TMEM87A: variants seen among roughly 807,000 people sequenced by gnomAD.
TMEM87A encodes the protein transmembrane protein 87A.
In TMEM87A, 50 loss-of-function variants were observed where a neutral mutation model predicts 90.0. That is an observed-to-expected ratio of 0.56 (90% CI 0.44 to 0.70). The LOEUF is 0.70. Ranked by LOEUF, TMEM87A falls within the 30% of genes least tolerant of loss-of-function variation. The pLI, the probability that TMEM87A is intolerant of heterozygous loss-of-function variation, is 0.00. For missense variants in TMEM87A, 577 were observed against 660.5 expected, an observed-to-expected ratio of 0.87 and a Z score of 1.39; for synonymous variants, 226 against 226.7, an observed-to-expected ratio of 1.00 and a Z score of 0.03.
chr15:42,219,172 A>T (rs1042522860), intron 17 of TMEM87A, among the ~76,000 whole-genome samples: 3 of 152,104 alleles, frequency 2.0e-5, no homozygotes, highest in African/African-American at 7.2e-5. Flanking sequence ...AATGATAAAA[A>T]TTTTTTCATA....
At chr15:42,272,545 A>G (rs149695557) in intron 1 of TMEM87A, 68 of 199,580 alleles carry the variant, frequency 3.4e-4, no homozygotes, top group Middle Eastern at 4.6e-3. Flanking sequence ...GCTTTTCAGC[A>G]TTTCCTCCCT....
At chr15:42,266,636 A>C (rs908297883) in intron 3 of TMEM87A, among the ~76,000 whole-genome samples, 1 of 152,202 alleles carries the variant, frequency 6.6e-6, no homozygotes, top group Admixed American at 6.5e-5. Context: ...GTGGCATTTA[A>C]TTCTACTAGC....
Position 42,236,372 on chromosome 15 carries a change from A to G in TMEM87A, c.916T>C (p.Ser306Pro), listed in dbSNP as rs755205703. The G allele has an allele frequency of 7.4e-6, 12 of 1,614,050 alleles. No individual in the cohort carries two copies. Among genetic ancestry groups the G allele is most frequent in the Non-Finnish European group, 1.7e-6 (2 of 1,180,004 alleles). Residue 306 changes from serine (S) to proline (P), a missense_variant, in exon 10 of 20, where the codon TCA becomes CCA. Transcript: ENST00000389834. ...LAELLSAVKR[S>P]LARTLVIIVS... ...ATGATGACCAGGGTTCGAGCCAGTG[A>G]GCGTTTCACTGCTGAAAGCAGCTCT...
At chr15:42,242,045 T>TGACA (rs1037752901) in intron 7 of TMEM87A, among the ~76,000 whole-genome samples, 1 of 136,722 alleles carries the variant, frequency 7.3e-6, no homozygotes, top group Non-Finnish European at 1.5e-5. Context: ...CCAGCCTGGG[T>TGACA]GACAGAGTGA....
Position 42,233,322 on chromosome 15 carries a change from G to A in TMEM87A, c.969-16C>T. 2 of 1,603,858 alleles carry A rather than the reference G, an allele frequency of 1.2e-6. No homozygotes were observed. Among genetic ancestry groups the A allele is most frequent in the Non-Finnish European group, 1.7e-6 (2 of 1,171,712 alleles). On this transcript the variant is annotated splice_polypyrimidine_tract_variant and intron_variant, in intron 10 of 19. Transcript: ENST00000389834. ...AAGGCGTGGCCTAAAGAGGAAGCAA[G>A]GAGATATTTGAGTACATATGGGACA... is the stretch of plus-strand genomic sequence containing the variant.
At chr15:42,218,569 C>T (rs2050420041) in intron 17 of TMEM87A, among the ~76,000 whole-genome samples, 191 bp from the exon 18 acceptor site, 1 of 152,092 alleles carries the variant, frequency 6.6e-6, no homozygotes, top group Admixed American at 6.5e-5. Flanking sequence ...CAACATCTCC[C>T]CAGTTCTCCC....
intron 6 of TMEM87A, among the ~76,000 whole-genome samples, chr15:42,248,181 G>A (rs1300870026): frequency 1.3e-5 from 2 of 152,058 alleles, no homozygotes; most frequent in Non-Finnish European, 2.9e-5. Context: ...GGAGATTTTG[G>A]GCTGAGATGA....
chr15:42,221,636 G>A (rs943518637), intron 15 of TMEM87A, among the ~76,000 whole-genome samples: 1 of 152,140 alleles, frequency 6.6e-6, no homozygotes, highest in Non-Finnish European at 1.5e-5. Flanking sequence ...TGAGGAGGCT[G>A]AGGTAGGAGG....
In TMEM87A at chr15:42,227,484, C is replaced by G. The variant is rs141245230; in HGVS notation, c.1299+227G>C. 10 of 431,796 alleles carry G rather than the reference C, an allele frequency of 2.3e-5. No individual in the cohort carries two copies. The Admixed American group carries it at 3.1e-4, about 13-fold the overall frequency. The allele number at this position is 431,796 out of a possible 1,614,324, so 26.7% of individuals were successfully genotyped here. A position where few individuals can be genotyped will look rare whatever the true frequency, so the allele number is the denominator to read the frequency against. On this transcript the variant is annotated intron_variant, in intron 14 of 19. Coordinates refer to ENST00000389834, the MANE Select transcript of TMEM87A (RefSeq NM_015497.5). ...GTAGTTATAACTTACAAAATTCTCT[C>G]CCAAAACTGGGAGAATACAGTCAGA...
At chr15:42,260,899 C>T (rs1295674801) in intron 6 of TMEM87A, 59 bp downstream of exon 6, 2 of 1,546,390 alleles carry the variant, frequency 1.3e-6, no homozygotes, top group East Asian at 2.3e-5. Context: ...TTCAGAAATA[C>T]ACAAATTTAA....
chr15:42,215,699 T>G (rs1371446556), intron 19 of TMEM87A, among the ~76,000 whole-genome samples: 5 of 152,096 alleles, frequency 3.3e-5, no homozygotes, highest in African/African-American at 1.2e-4. Context: ...AGGTGTCACG[T>G]CACACCTGTT....
intron 15 of TMEM87A, among the ~76,000 whole-genome samples, chr15:42,221,141 T>C (rs551859660): frequency 1.1e-4 from 16 of 152,066 alleles, no homozygotes; most frequent in African/African-American, 3.6e-4. Context: ...GAAAACAACT[T>C]TGTCCATCAA....
chr15:42,250,615 C>T (rs2051066550), intron 6 of TMEM87A, among the ~76,000 whole-genome samples: 1 of 152,032 alleles, frequency 6.6e-6, no homozygotes, highest in Admixed American at 6.6e-5. Flanking sequence ...GTCTGTTAGT[C>T]TGATGGCCTT....
At chr15:42,263,492 C>T (rs1198192504) in intron 4 of TMEM87A, among the ~76,000 whole-genome samples, 1 of 152,104 alleles carries the variant, frequency 6.6e-6, no homozygotes, top group African/African-American at 2.4e-5. Context: ...CACCTGTAAT[C>T]CCAGCATTTT....
chr15:42,233,775 C>T (rs2050726487), intron 10 of TMEM87A, among the ~76,000 whole-genome samples: 1 of 151,896 alleles, frequency 6.6e-6, no homozygotes, highest in Non-Finnish European at 1.5e-5. Flanking sequence ...ACAAAAGGGC[C>T]TTTCTTTTTT....
chr15:42,265,853 C>T (rs562129036), intron 3 of TMEM87A, among the ~76,000 whole-genome samples: 5 of 152,270 alleles, frequency 3.3e-5, no homozygotes, highest in Admixed American at 1.3e-4. Flanking sequence ...TTGGGTTTTA[C>T]ATTTAAGTCT....
chr15:42,256,294 C>T (rs1009998048), intron 6 of TMEM87A, among the ~76,000 whole-genome samples: 1 of 152,032 alleles, frequency 6.6e-6, no homozygotes, highest in Non-Finnish European at 1.5e-5. Context: ...GTGTACCCCA[C>T]CACACCAAGC....
chr15:42,270,310 C>T (rs2051494541), intron 2 of TMEM87A, among the ~76,000 whole-genome samples: 1 of 152,092 alleles, frequency 6.6e-6, no homozygotes, highest in Non-Finnish European at 1.5e-5. Context: ...GCAGAGGTTA[C>T]AGTGAGCCGA....
intron 10 of TMEM87A, among the ~76,000 whole-genome samples, chr15:42,234,779 C>T (rs2050743608): frequency 6.6e-6 from 1 of 152,174 alleles, no homozygotes; most frequent in Admixed American, 6.5e-5. Context: ...AAAACTATCA[C>T]TATGACCCTC....
Sources: gnomAD v4.1 joint callset for allele counts (sites outside exome capture counted in the v4.1 genomes callset) on GRCh38, gnomAD v4.1.1 for gene constraint, MANE v1.5 for transcripts, NCBI Gene and HGNC (gene_info 2026-07-23, HGNC 2026-07-21) for gene names.